Variants in ARHGEF1 observed in about 807,000 individuals in gnomAD.
ARHGEF1 encodes Rho guanine nucleotide exchange factor 1.
ARHGEF1 carries 40 observed loss-of-function variants against 119.7 expected under a neutral mutation model. The ratio of observed to expected loss-of-function variants is 0.33; its 90% CI spans 0.26 to 0.44. The LOEUF is 0.44. Ranked by LOEUF, ARHGEF1 falls within the 20% of genes least tolerant of loss-of-function variation. The pLI, the probability that ARHGEF1 is intolerant of heterozygous loss-of-function variation, is 1.00. For synonymous variants in ARHGEF1, 494 were observed against 521.0 expected, an observed-to-expected ratio of 0.95 and a Z score of 0.71; for missense variants, 976 against 1,268.3, an observed-to-expected ratio of 0.77 and a Z score of 3.50.
intron 12 of ARHGEF1, 120 bp from the exon 13 acceptor site, chr19:41,896,257 C>G: frequency 2.0e-6 from 1 of 488,098 alleles, no homozygotes; most frequent in Admixed American, 3.8e-5. Context: ...AAGTACAGAG[C>G]AGCCATGTGG....
chr19:41,908,799 C>T (rs2074734585), downstream of ARHGEF1: 2 of 506,412 alleles, frequency 3.9e-6, no homozygotes. The surrounding 1 kb of genome is among the most constrained non-coding windows in gnomAD (Gnocchi z 6.7). Context: ...CATCTTACCC[C>T]CTCATACAGC....
At chr19:41,894,991 G>T (rs781875824) in intron 11 of ARHGEF1, among the ~76,000 whole-genome samples, 9 of 146,966 alleles carry the variant, frequency 6.1e-5, no homozygotes, top group Non-Finnish European at 8.9e-5. Context: ...GAGGTAGGAG[G>T]GATTGGGCCT....
At chr19:41,898,333 G>A (rs1555848325) in intron 13 of ARHGEF1, 109 bp from the exon 14 acceptor site, 5 of 1,499,778 alleles carry the variant, frequency 3.3e-6, no homozygotes, top group Non-Finnish European at 4.5e-6. Context: ...GGGCCACCCT[G>A]CGGGCATCGA....
In ARHGEF1 at chr19:41,888,429, C is replaced by A. The variant is rs909542261; in HGVS notation, c.111+151C>A. 2.0e-5 allele frequency: 15 copies of A among 749,524 alleles called. No homozygotes were observed. The African/African-American group carries it at 2.5e-4, about 12-fold the overall frequency. The allele number at this position is 749,524 out of a possible 1,614,324, so 46.4% of individuals were successfully genotyped here. A position where few individuals can be genotyped will look rare whatever the true frequency, so the allele number is the denominator to read the frequency against. On this transcript the variant is annotated intron_variant, in intron 3 of 28. Coordinates refer to ENST00000354532, the MANE Select transcript of ARHGEF1 (RefSeq NM_004706.4). This position sits in a 1 kb window ranked among gnomAD's most constrained non-coding sequence, Gnocchi z 5.1. ...GGTACCTCCTTCCTCACCTCGCCGACCCCACACAGCAGCATAGACGCCCAC... is the reference window on the plus strand; with the variant it reads ...GGTACCTCCTTCCTCACCTCGCCGAACCCACACAGCAGCATAGACGCCCAC...
At position 41,883,714 on chromosome 19, in the gene ARHGEF1, C is replaced by T. The variant is rs1255332821; in HGVS notation, c.-20+425C>T. Among the ~76,000 whole-genome samples, 1 of 152,190 alleles carries T rather than the reference C, an allele frequency of 6.6e-6. No homozygotes were observed. Among genetic ancestry groups the T allele is most frequent in the Admixed American group, 6.5e-5 (1 of 15,278 alleles). On this transcript the variant is annotated intron_variant, in intron 1 of 28. Coordinates refer to ENST00000354532, the MANE Select transcript of ARHGEF1 (RefSeq NM_004706.4). This position sits in a 1 kb window ranked among gnomAD's most constrained non-coding sequence, Gnocchi z 7.6. The stretch of plus-strand genomic sequence containing the variant: ...CCTCCAACCCCCGCATGCTTTAGGG[C>T]CACCTAAAAATGAAAAACAACAATA...
At position 41,893,109 on chromosome 19, in the gene ARHGEF1, C is replaced by A. The variant is rs1274861022; in HGVS notation, c.615-165C>A. The stretch of plus-strand genomic sequence containing the variant: ...GGATCCCATCCTCCTGGATGAGAGA[C>A]CTCCCTCCCTCTTATGACAGTCCTT... On this transcript the variant is annotated intron_variant, in intron 7 of 28. Coordinates refer to ENST00000354532, the MANE Select transcript of ARHGEF1 (RefSeq NM_004706.4). 11 of 1,042,318 alleles carry A rather than the reference C, an allele frequency of 1.1e-5. 1 individual carries two copies. In the African/African-American group the frequency reaches 1.8e-4, roughly 17 times the overall value. The allele number at this position is 1,042,318 out of a possible 1,614,324, so 64.6% of individuals were successfully genotyped here. A position where few individuals can be genotyped will look rare whatever the true frequency, so the allele number is the denominator to read the frequency against.
At chr19:41,912,066 C>T (rs565171453), downstream of ARHGEF1, among the ~76,000 whole-genome samples, 7 of 152,244 alleles carry the variant, frequency 4.6e-5, no homozygotes, top group East Asian at 1.4e-3. Context: ...CTCCTCACCC[C>T]ACTCAGGCAG....
Position 41,892,503 on chromosome 19 carries a change from C to G in ARHGEF1, c.368-100C>G. On this transcript the variant is annotated intron_variant, in intron 6 of 28. Coordinates refer to ENST00000354532, the MANE Select transcript of ARHGEF1 (RefSeq NM_004706.4). The surrounding 1 kb of genome is among the most constrained non-coding windows in gnomAD (Gnocchi z 6.3). ...AGATTCATTCATTCCTTCTTGGCAG[C>G]GGCCTCAGGACGTGTGGCTGTTGGA... 2.5e-6 allele frequency: 4 copies of G among 1,578,658 alleles called. No individual in the cohort carries two copies. The highest frequency in any genetic ancestry group is 3.5e-6 in the Non-Finnish European group (4 of 1,156,562).
downstream of ARHGEF1, chr19:41,910,130 C>T: frequency 6.3e-7 from 1 of 1,589,330 alleles, no homozygotes; most frequent in Non-Finnish European, 8.6e-7. This position sits in a 1 kb window ranked among gnomAD's most constrained non-coding sequence, Gnocchi z 4.4. Context: ...GGCCTGGGGT[C>T]AGGATGCCAA....
chr19:41,902,040 G>A lies in ARHGEF1; in HGVS notation c.1414+7G>A. ...GAGCTCATCGAGGTGCATTGTGAGT[G>A]CAGAGCCAGGGTCCCTCTGTGTACC... On this transcript the variant is annotated splice_region_variant and intron_variant, in intron 15 of 28. Coordinates refer to ENST00000354532, the MANE Select transcript of ARHGEF1 (RefSeq NM_004706.4). This position sits in a 1 kb window ranked among gnomAD's most constrained non-coding sequence, Gnocchi z 6.5. 6.2e-7 allele frequency: 1 copy of A among 1,613,850 alleles called. No homozygotes were observed. Among genetic ancestry groups the A allele is most frequent in the South Asian group, 1.1e-5 (1 of 91,064 alleles).
Position 41,916,237 on chromosome 19 carries a change from C to G in ARHGEF1, c.1866-6855C>G, listed in dbSNP as rs868988435. Among the ~76,000 whole-genome samples, 2 of 151,598 alleles carry G rather than the reference C, an allele frequency of 1.3e-5. No homozygotes were observed. The highest frequency in any genetic ancestry group is 2.9e-5 in the Non-Finnish European group (2 of 67,984). Reference sequence around the variant, plus strand: ...AGATGCACACACCAGCACAGCCACACACACACCATCACATACCACACACTG... The same window carrying G: ...AGATGCACACACCAGCACAGCCACAGACACACCATCACATACCACACACTG... On this transcript the variant is annotated intron_variant, in intron 18 of 20. Transcript: ENST00000599589. The surrounding 1 kb of genome is among the most constrained non-coding windows in gnomAD (Gnocchi z 5.4).
At position 41,903,801 on chromosome 19, in the gene ARHGEF1, C is replaced by T. The variant is rs782410881; in HGVS notation, c.1917+17C>T. ...GAGTTCAAGGTGTGACCATACCCTC[C>T]TGCCTCCCCCGCCCCCCTACTCCTT... On this transcript the variant is annotated intron_variant, in intron 20 of 28. Coordinates refer to ENST00000354532, the MANE Select transcript of ARHGEF1 (RefSeq NM_004706.4). This position sits in a 1 kb window ranked among gnomAD's most constrained non-coding sequence, Gnocchi z 4.2. 1.2e-6 allele frequency: 2 copies of T among 1,611,990 alleles called. No individual in the cohort carries two copies. Among genetic ancestry groups the T allele is most frequent in the African/African-American group, 2.7e-5 (2 of 74,848 alleles).
rs199629628 is a variant in ARHGEF1, at chr19:41,888,881, G to T, written c.225+16G>T. On this transcript the variant is annotated intron_variant, in intron 4 of 28. Coordinates refer to ENST00000354532, the MANE Select transcript of ARHGEF1 (RefSeq NM_004706.4). The surrounding 1 kb of genome is among the most constrained non-coding windows in gnomAD (Gnocchi z 5.1). ...AGGACCCCTGGTGAGGGCAGGGCTGGGTGGGCACAGGGAGGGGTGGGGCTG... is the reference window on the plus strand; with the variant it reads ...AGGACCCCTGGTGAGGGCAGGGCTGTGTGGGCACAGGGAGGGGTGGGGCTG... 137 of 1,600,118 alleles carry T rather than the reference G, an allele frequency of 8.6e-5. No homozygotes were observed. The highest frequency in any genetic ancestry group is 2.0e-4 in the Admixed American group (12 of 59,382).
rs782570682 is a variant in ARHGEF1, at chr19:41,892,684, T to C, written c.449T>C (p.Val150Ala). The change falls in exon 7 of 29, where the codon GTG becomes GCG. Residue 150 changes from valine (V) to alanine (A), a missense_variant. Around this residue, in one of 3 missense-constraint regions of ARHGEF1, gnomAD observed 519 missense variants for 580.9 expected, o/e 0.89. Coordinates refer to ENST00000354532, the MANE Select transcript of ARHGEF1 (RefSeq NM_004706.4). The surrounding 1 kb of genome is among the most constrained non-coding windows in gnomAD (Gnocchi z 6.3). ...GTGGTGCAAAGCCAGCAGGTAGCCG[T>C]GGGCCGGCAGCTGGAGGACTTCCGT... is the stretch of plus-strand genomic sequence containing the variant. The part of the protein sequence containing the change: ...QEVVQSQQVA[V>A]GRQLEDFRSK... The C allele has an allele frequency of 6.2e-7, 1 of 1,613,638 alleles. No homozygotes were observed. The highest frequency in any genetic ancestry group is 8.5e-7 in the Non-Finnish European group (1 of 1,179,878).
chr19:41,896,122 T>A (rs1238749722), intron 12 of ARHGEF1, among the ~76,000 whole-genome samples: 1 of 152,102 alleles, frequency 6.6e-6, no homozygotes, highest in Admixed American at 6.5e-5. Flanking sequence ...TTGTGACCTA[T>A]TTGCTAGGCC....
At position 41,898,586 on chromosome 19, in the gene ARHGEF1, C is replaced by A; in HGVS notation, c.1266C>A (p.Ser422Arg). The change falls in exon 14 of 29, where the codon AGC (serine) becomes AGA (arginine). Residue 422 changes from serine (S) to arginine (R), a missense_variant and splice_region_variant. By Grantham distance (110) the Ser-to-Arg change is moderately radical (BLOSUM62 -1). Transcript: ENST00000354532. ...AGGTGAAGCGGCAGGAGGTCATCAG[C>A]GGTGAGTACTGCCCCCATCACCCCA... The part of the protein sequence containing the change: ...KSQVKRQEVI[S>R]ELLVTEAAHV... 1 of 1,585,328 alleles carries A rather than the reference C, an allele frequency of 6.3e-7. No individual in the cohort carries two copies. The highest frequency in any genetic ancestry group is 1.3e-5 in the African/African-American group (1 of 74,370).
chr19:41,914,962 G>GTT lies in ARHGEF1; in HGVS notation c.1866-8129_1866-8128insTT, dbSNP rs1217927891. Among the ~76,000 whole-genome samples, 11 of 76,266 alleles carry GTT rather than the reference G, an allele frequency of 1.4e-4. 1 individual carries two copies. In the African/African-American group the frequency reaches 1.8e-3, roughly 12 times the overall value. 50.0% of individuals were successfully genotyped at this position (76,266 alleles called of 152,430 possible). On this transcript the variant is annotated intron_variant, in intron 18 of 20. Coordinates refer to the ARHGEF1 transcript ENST00000599589. ...CTCTCCCTCCTCTTCCACTATCTCT[G>GTT]TCTCTCCCTCCCTCCCCCTCCAGCA...
chr19:41,907,993 C>G, downstream of ARHGEF1: 1 of 403,468 alleles, frequency 2.5e-6, no homozygotes, highest in Non-Finnish European at 4.3e-6. Flanking sequence ...AGGCGGGGAC[C>G]CCCCTCAAAC....
At chr19:41,909,885 C>T (rs2074742685), downstream of ARHGEF1, 2 of 1,612,874 alleles carry the variant, frequency 1.2e-6, no homozygotes, top group Non-Finnish European at 8.5e-7. The surrounding 1 kb of genome is among the most constrained non-coding windows in gnomAD (Gnocchi z 5.2). Context: ...CTCAGCTTGT[C>T]GTAATTCATG....
Sources: gnomAD v4.1 joint callset for allele counts (sites outside exome capture counted in the v4.1 genomes callset) on GRCh38, gnomAD v4.1.1 for gene constraint, gnomAD v4.1.1 regional missense constraint, Gnocchi (gnomAD v3.1) non-coding constraint, MANE v1.5 for transcripts, NCBI Gene and HGNC (gene_info 2026-07-23, HGNC 2026-07-21) for gene names.